Variants in MAGI1 observed in about 807,000 individuals in gnomAD.
MAGI1 encodes the protein membrane-associated guanylate kinase, WW and PDZ domain-containing protein 1.
In MAGI1, 58 loss-of-function variants were observed where a neutral mutation model predicts 139.9. The ratio of observed to expected loss-of-function variants is 0.41; its 90% CI spans 0.34 to 0.52. The LOEUF is 0.52. Among genes scored for constraint, MAGI1 ranks in the 20% least tolerant of loss-of-function variants. MAGI1 has a pLI of 0.12. For missense variants in MAGI1, 1,874 were observed against 1,901.6 expected (o/e 0.99, Z 0.27); for synonymous variants, 812 against 737.9 (o/e 1.10, Z -1.63).
At chr3:66,032,932 A>AAC (rs1553638376) in intron 1 of MAGI1, among the ~76,000 whole-genome samples, 28 of 143,760 alleles carry the variant, frequency 1.9e-4, no homozygotes, top group South Asian at 6.5e-4. Context: ...AAAAAAAAAA[A>AAC]AACAACAACA....
chr3:66,015,147 A>G (rs2067555827), intron 1 of MAGI1, among the ~76,000 whole-genome samples: 1 of 147,488 alleles, frequency 6.8e-6, no homozygotes, highest in Admixed American at 6.9e-5. Context: ...GTTCAAGACC[A>G]GCCTAGGCAA....
chr3:65,375,880 A>T lies in MAGI1; in HGVS notation c.3061T>A (p.Cys1021Ser). 1.2e-6 allele frequency: 2 copies of T among 1,614,168 alleles called. No homozygotes were observed. The highest frequency in any genetic ancestry group is 1.7e-6 in the Non-Finnish European group (2 of 1,180,024). Residue 1021 changes from cysteine (C) to serine (S), a missense_variant, in exon 18 of 23, where the codon TGT becomes AGT. This residue lies in a region of MAGI1 where 653 missense variants were observed against 644.5 expected (regional missense o/e 1.01). Transcript: ENST00000402939. ...CGGTCTCCTACTTTCAGCTTGCCACAGCGGTCAGCAGGGCTCCCCTCAATA... is the reference window on the plus strand; with the variant it reads ...CGGTCTCCTACTTTCAGCTTGCCACTGCGGTCAGCAGGGCTCCCCTCAATA... ...RIIEGSPADR[C>S]GKLKVGDRIL...
intron 1 of MAGI1, among the ~76,000 whole-genome samples, chr3:65,789,363 A>G (rs2039609237): frequency 6.6e-6 from 1 of 152,142 alleles, no homozygotes; most frequent in Non-Finnish European, 1.5e-5. Flanking sequence ...CTAGGCTGTA[A>G]TAAAAGCCCT....
At chr3:65,983,549 A>C (rs1576354522) in intron 1 of MAGI1, among the ~76,000 whole-genome samples, 1 of 152,368 alleles carries the variant, frequency 6.6e-6, no homozygotes, top group East Asian at 1.9e-4. Context: ...GCTCTTCTCC[A>C]AATACAGTTT....
At chr3:66,013,511 C>A (rs1210840193) in intron 1 of MAGI1, among the ~76,000 whole-genome samples, 2 of 151,508 alleles carry the variant, frequency 1.3e-5, no homozygotes, top group African/African-American at 4.8e-5. Flanking sequence ...CCTGTAATCC[C>A]AGCACTTTGG....
intron 1 of MAGI1, among the ~76,000 whole-genome samples, chr3:65,707,706 A>G (rs1046763900): frequency 6.6e-6 from 1 of 151,766 alleles, no homozygotes; most frequent in Non-Finnish European, 1.5e-5. Flanking sequence ...AAAAAAAAAA[A>G]AAAAGTTGGC....
At chr3:65,453,106 G>A (rs1949140989) in intron 6 of MAGI1, 152 bp downstream of exon 6, 1 of 653,344 alleles carries the variant, frequency 1.5e-6, no homozygotes, top group South Asian at 1.9e-5. Context: ...CTTTCTTCCT[G>A]CTTTTGTAAA....
chr3:65,530,245 T>C (rs2078580184), intron 2 of MAGI1, among the ~76,000 whole-genome samples: 1 of 152,134 alleles, frequency 6.6e-6, no homozygotes. Flanking sequence ...ATTAATGTCA[T>C]CCATGTCACT....
intron 1 of MAGI1, among the ~76,000 whole-genome samples, chr3:65,987,019 C>T (rs1473558458): frequency 1.3e-5 from 2 of 152,078 alleles, no homozygotes; most frequent in Non-Finnish European, 2.9e-5. Flanking sequence ...TACAGGTATA[C>T]GCCACCATGT....
rs548887320 is a variant in MAGI1, at chr3:65,392,589, C to A, written c.2200-1231G>T. 3.4e-4 allele frequency among the ~76,000 whole-genome samples: 52 copies of A among 152,276 alleles called. 1 individual carries two copies. The highest frequency in any genetic ancestry group is 1.3e-3 in the African/African-American group (52 of 41,550). ...CAAATCTTCCACCAGGTGTTCCGAT[C>A]AATCCTATCAAGGCCATTCTTCCTT... On this transcript the variant is annotated intron_variant, in intron 13 of 22. Coordinates refer to ENST00000402939, the MANE Select transcript of MAGI1 (RefSeq NM_001033057.2).
At chr3:65,821,883 C>T (rs1441786011) in intron 1 of MAGI1, among the ~76,000 whole-genome samples, 1 of 152,188 alleles carries the variant, frequency 6.6e-6, no homozygotes, top group Non-Finnish European at 1.5e-5. Flanking sequence ...GGCATGATGG[C>T]TTAGACACAC....
chr3:65,445,267 G>A (rs1020417200), intron 7 of MAGI1, among the ~76,000 whole-genome samples: 1 of 152,054 alleles, frequency 6.6e-6, no homozygotes, highest in Admixed American at 6.6e-5. Flanking sequence ...TCTTTCTCCT[G>A]GATTTACCTC....
At chr3:65,437,900 T>G (rs929222158) in intron 9 of MAGI1, among the ~76,000 whole-genome samples, 1 of 150,884 alleles carries the variant, frequency 6.6e-6, no homozygotes, top group Non-Finnish European at 1.5e-5. Context: ...CATTAAAAAA[T>G]TTTTAGACAA....
chr3:65,763,790 G>A (rs1188266168), intron 1 of MAGI1, among the ~76,000 whole-genome samples: 1 of 151,854 alleles, frequency 6.6e-6, no homozygotes, highest in Non-Finnish European at 1.5e-5. Flanking sequence ...AAATCCTGAG[G>A]CCAGGCACAG....
chr3:65,528,221 T>C (rs2078480005), intron 2 of MAGI1, among the ~76,000 whole-genome samples: 1 of 152,264 alleles, frequency 6.6e-6, no homozygotes, highest in South Asian at 2.1e-4. Context: ...ACCTCGCTTT[T>C]CTTTCACTCC....
intron 1 of MAGI1, among the ~76,000 whole-genome samples, chr3:65,802,013 T>A (rs894399262): frequency 3.9e-5 from 6 of 152,096 alleles, no homozygotes; most frequent in Non-Finnish European, 7.3e-5. Flanking sequence ...ACACTCCTTA[T>A]TAGAATCTAA....
intron 2 of MAGI1, among the ~76,000 whole-genome samples, chr3:65,576,824 C>A (rs1450278096): frequency 6.6e-6 from 1 of 152,160 alleles, no homozygotes; most frequent in Admixed American, 6.5e-5. Flanking sequence ...ATTCTCTGAG[C>A]TTCACTTTTC....
At chr3:65,463,583 T>C (rs1373697162) in intron 5 of MAGI1, among the ~76,000 whole-genome samples, 2 of 151,304 alleles carry the variant, frequency 1.3e-5, no homozygotes, top group Non-Finnish European at 2.9e-5. Flanking sequence ...TGTGTGTGTG[T>C]GTGTGTGTGT....
intron 1 of MAGI1, among the ~76,000 whole-genome samples, chr3:65,877,263 G>A (rs538326447): frequency 2.0e-5 from 3 of 152,234 alleles, no homozygotes; most frequent in African/African-American, 7.2e-5. Context: ...TCACCAATAT[G>A]AGTCAATGTA....
Sources: allele counts gnomAD v4.1 joint callset (sites outside exome capture counted in the v4.1 genomes callset), GRCh38; gene constraint gnomAD v4.1.1; regional missense constraint gnomAD v4.1.1; transcripts MANE v1.5; gene names NCBI Gene and HGNC (gene_info 2026-07-23, HGNC 2026-07-21).